The following VSNL1 variants were observed in gnomAD, a reference collection of about 807,000 sequenced individuals.
VSNL1 encodes visinin like 1, also known as visinin-like protein 1.
In VSNL1, 6 loss-of-function variants were observed where a neutral mutation model predicts 20.4. That is an observed-to-expected ratio of 0.29 (90% CI 0.16 to 0.58). The LOEUF is 0.58. Among genes scored for constraint, VSNL1 ranks in the 20% least tolerant of loss-of-function variants. The probability of loss-of-function intolerance (pLI) is 0.90; values close to 1 mark genes in which losing one functional copy is unlikely to be tolerated. For synonymous variants in VSNL1, 93 were observed against 86.4 expected (o/e 1.08, Z -0.42); for missense variants, 100 against 234.5 (o/e 0.43, Z 3.75).
intron 1 of VSNL1, among the ~76,000 whole-genome samples, chr2:17,554,211 C>T (rs926121065): frequency 6.6e-6 from 1 of 152,072 alleles, no homozygotes; most frequent in African/African-American, 2.4e-5. Context: ...TAAGGAGTAC[C>T]CAAATCTTCA....
chr2:17,569,306 C>CAA (rs202086149), intron 1 of VSNL1, among the ~76,000 whole-genome samples: 4,684 of 124,824 alleles, frequency 0.038, 83 homozygotes, highest in East Asian at 0.11. Flanking sequence ...GACCCTGTCT[C>CAA]AAAAAAAAAA....
intron 1 of VSNL1, among the ~76,000 whole-genome samples, chr2:17,545,491 A>G (rs1363361537): frequency 1.3e-5 from 2 of 152,178 alleles, no homozygotes; most frequent in Non-Finnish European, 2.9e-5. Flanking sequence ...AAGAGGGAAT[A>G]TAAATCTAGA....
chr2:17,608,933 T>C (rs1031308204), intron 2 of VSNL1, among the ~76,000 whole-genome samples: 3 of 152,112 alleles, frequency 2.0e-5, no homozygotes, highest in African/African-American at 7.2e-5. Flanking sequence ...ATGGAGGAGA[T>C]ATAAAGAACC....
intron 2 of VSNL1, among the ~76,000 whole-genome samples, chr2:17,621,829 A>G (rs1369581439): frequency 6.6e-6 from 1 of 152,128 alleles, no homozygotes; most frequent in Non-Finnish European, 1.5e-5. Context: ...TTGTAGAGAC[A>G]GGGTCTTGCT....
At chr2:17,588,701 G>T (rs553060039) in intron 1 of VSNL1, among the ~76,000 whole-genome samples, 3 of 152,234 alleles carry the variant, frequency 2.0e-5, no homozygotes, top group East Asian at 3.9e-4. Context: ...CACCTGCAAG[G>T]TATTCAATTT....
intron 1 of VSNL1, among the ~76,000 whole-genome samples, chr2:17,552,068 C>G (rs976473853): frequency 6.6e-6 from 1 of 151,390 alleles, no homozygotes; most frequent in Non-Finnish European, 1.5e-5. Flanking sequence ...GGCGTGGTGG[C>G]GGGTGCCTGT....
chr2:17,619,027 G>T (rs2103400421), intron 2 of VSNL1, among the ~76,000 whole-genome samples: 1 of 152,274 alleles, frequency 6.6e-6, no homozygotes, highest in East Asian at 1.9e-4. Context: ...GACAGTCAGG[G>T]GCGAAGGAAG....
intron 1 of VSNL1, among the ~76,000 whole-genome samples, chr2:17,574,802 T>C (rs1664166599): frequency 6.6e-6 from 1 of 152,198 alleles, no homozygotes; most frequent in African/African-American, 2.4e-5. Context: ...GGTCTCACTC[T>C]GTCCCCCAGC....
chr2:17,639,460 C>T (rs1355739159), intron 2 of VSNL1, among the ~76,000 whole-genome samples: 1 of 152,164 alleles, frequency 6.6e-6, no homozygotes, highest in Non-Finnish European at 1.5e-5. Context: ...TCTCTGAGCA[C>T]CTTGCCTAGT....
chr2:17,595,879 A>G (rs1664699538), intron 2 of VSNL1, among the ~76,000 whole-genome samples: 1 of 152,194 alleles, frequency 6.6e-6, no homozygotes, highest in Non-Finnish European at 1.5e-5. Flanking sequence ...TTACTTTAGA[A>G]TCTTTTGAGA....
chr2:17,561,543 A>AG (rs1319400265), intron 1 of VSNL1, among the ~76,000 whole-genome samples: 1 of 152,230 alleles, frequency 6.6e-6, no homozygotes, highest in Non-Finnish European at 1.5e-5. Context: ...AAGAGCAGTA[A>AG]GAATCTATTG....
At chr2:17,567,996 ATTC>A (rs974384614) in intron 1 of VSNL1, among the ~76,000 whole-genome samples, 1 of 152,038 alleles carries the variant, frequency 6.6e-6, no homozygotes, top group African/African-American at 2.4e-5. Flanking sequence ...AAATTAGTCT[ATTC>A]TTTTTTTAGA....
chr2:17,633,377 G>C (rs1665681312), intron 2 of VSNL1, among the ~76,000 whole-genome samples: 2 of 149,880 alleles, frequency 1.3e-5, no homozygotes, highest in South Asian at 4.2e-4. Flanking sequence ...AAAAAAGCTG[G>C]GCATGGTGGT....
intron 1 of VSNL1, among the ~76,000 whole-genome samples, chr2:17,564,316 G>C (rs1663885930): frequency 6.6e-6 from 1 of 152,122 alleles, no homozygotes; most frequent in South Asian, 2.1e-4. Context: ...AAGCTGAAAG[G>C]AACTATGTCT....
At chr2:17,622,560 GAAAGAAAGAAAGAAAGAAAGA>G (rs1665399668) in intron 2 of VSNL1, among the ~76,000 whole-genome samples, 4 of 120,482 alleles carry the variant, frequency 3.3e-5, no homozygotes, top group African/African-American at 1.1e-4. Context: ...AAGAAAGAAA[GAAAGAAAGAAAGAAAGAAAGA>G]AAGAAAGAAA....
intron 1 of VSNL1, among the ~76,000 whole-genome samples, chr2:17,552,814 C>A (rs922517103): frequency 3.3e-5 from 5 of 151,928 alleles, no homozygotes; most frequent in Non-Finnish European, 7.4e-5. Flanking sequence ...AAAGATAGCA[C>A]CCTGTTTATA....
chr2:17,572,023 G>A (rs998317263), intron 1 of VSNL1, among the ~76,000 whole-genome samples: 1 of 152,224 alleles, frequency 6.6e-6, no homozygotes, highest in African/African-American at 2.4e-5. Flanking sequence ...GTAAATAACA[G>A]AGAGGGTAAT....
chr2:17,543,594 G>A (rs1381396517), intron 1 of VSNL1, among the ~76,000 whole-genome samples: 1 of 152,184 alleles, frequency 6.6e-6, no homozygotes, highest in South Asian at 2.1e-4. Context: ...TGCGGAGAAG[G>A]GAAAGGGAAG....
chr2:17,644,249 G>A (rs578052182), intron 2 of VSNL1, among the ~76,000 whole-genome samples: 1 of 152,332 alleles, frequency 6.6e-6, no homozygotes, highest in South Asian at 2.1e-4. Context: ...GGGCACATGA[G>A]ACCCCAACAC....
Sources: gnomAD v4.1 joint callset for allele counts (sites outside exome capture counted in the v4.1 genomes callset) on GRCh38, gnomAD v4.1.1 for gene constraint, MANE v1.5 for transcripts, NCBI Gene and HGNC (gene_info 2026-07-23, HGNC 2026-07-21) for gene names.